CLEC16A: variants seen among roughly 807,000 people sequenced by gnomAD.
CLEC16A encodes protein CLEC16A.
CLEC16A carries 51 observed loss-of-function variants against 109.5 expected under a neutral mutation model. The ratio of observed to expected loss-of-function variants is 0.47; its 90% CI spans 0.37 to 0.59. The LOEUF is 0.59. Ranked by LOEUF, CLEC16A falls within the 20% of genes least tolerant of loss-of-function variation. The probability of loss-of-function intolerance (pLI) is 0.00; values close to 1 mark genes in which losing one functional copy is unlikely to be tolerated. For missense variants in CLEC16A, 1,339 were observed against 1,394.0 expected (o/e 0.96, Z 0.63); for synonymous variants, 673 against 564.2 (o/e 1.19, Z -2.73).
At chr16:10,956,474 G>A (rs989398979) in intron 1 of CLEC16A, among the ~76,000 whole-genome samples, 8 of 152,144 alleles carry the variant, frequency 5.3e-5, no homozygotes, top group Non-Finnish European at 1.2e-4. Context: ...AATCAGGAGA[G>A]GAGGGCCCTT....
At chr16:11,098,522 G>A (rs12708717) in intron 19 of CLEC16A, among the ~76,000 whole-genome samples, 2 of 152,014 alleles carry the variant, frequency 1.3e-5, no homozygotes, top group South Asian at 4.1e-4. Context: ...GCGTGAGGGC[G>A]TTAGTGTGGC....
rs372722698 is a variant in CLEC16A at position 11,051,585 on chromosome 16, A to T, written c.1939A>T (p.Thr647Ser). ...ILLPPTGTPL[T>S]GIDFVKRLPC... Reference sequence around the variant, plus strand: ...GCTGCCCCCAACAGGCACGCCACTGACGGGCATTGACTTCGTGAAGCGGCT... The same window carrying T: ...GCTGCCCCCAACAGGCACGCCACTGTCGGGCATTGACTTCGTGAAGCGGCT... Residue 647 changes from threonine to serine, a missense_variant, in exon 18 of 24, where the codon ACG (threonine) becomes TCG (serine). By Grantham distance (58) the Thr-to-Ser change is moderately conservative. Coordinates refer to ENST00000409790, the MANE Select transcript of CLEC16A (RefSeq NM_015226.3). 10 of 1,613,908 alleles carry T rather than the reference A, an allele frequency of 6.2e-6. No individual in the cohort carries two copies. The African/African-American group carries it at 1.2e-4, about 19-fold the overall frequency.
At chr16:11,059,286 C>T (rs979303471) in intron 18 of CLEC16A, among the ~76,000 whole-genome samples, 3 of 152,214 alleles carry the variant, frequency 2.0e-5, no homozygotes, top group Admixed American at 2.0e-4. Flanking sequence ...GAAGACTGTA[C>T]TTTTAAAAAC....
At chr16:11,175,630 G>A (rs1017042359) in intron 23 of CLEC16A, among the ~76,000 whole-genome samples, 4 of 152,236 alleles carry the variant, frequency 2.6e-5, no homozygotes, top group African/African-American at 9.6e-5. Context: ...TGTCATAGGT[G>A]ATGGGTAAGA....
chr16:11,009,321 A>T (rs1051721621), intron 11 of CLEC16A, among the ~76,000 whole-genome samples: 5 of 152,060 alleles, frequency 3.3e-5, no homozygotes, highest in Admixed American at 6.6e-5. Context: ...GCTGGACTAC[A>T]TTTCTTTATC....
chr16:11,079,392 T>C (rs950810165), intron 19 of CLEC16A, among the ~76,000 whole-genome samples: 3 of 152,210 alleles, frequency 2.0e-5, no homozygotes, highest in African/African-American at 7.2e-5. Flanking sequence ...CTCACAACTT[T>C]TTAGTCATTT....
intron 22 of CLEC16A, among the ~76,000 whole-genome samples, chr16:11,148,797 C>T (rs183137263): frequency 8.5e-5 from 13 of 152,302 alleles, no homozygotes; most frequent in Admixed American, 2.6e-4. Context: ...ACCCTTTCTC[C>T]GAGCACAGCG....
At chr16:11,171,363 A>T (rs550053605) in intron 23 of CLEC16A, among the ~76,000 whole-genome samples, 100 of 152,312 alleles carry the variant, frequency 6.6e-4, no homozygotes, top group African/African-American at 2.2e-3. Context: ...TGCTGGCCCC[A>T]GACCAAAGGG....
intron 19 of CLEC16A, among the ~76,000 whole-genome samples, chr16:11,099,129 G>A (rs1011012357): frequency 1.3e-5 from 2 of 152,054 alleles, no homozygotes; most frequent in South Asian, 2.1e-4. Flanking sequence ...TGGCCAGAGC[G>A]CCCCATTCCT....
chr16:11,019,916 TA>T (rs1233274460), intron 11 of CLEC16A, among the ~76,000 whole-genome samples: 4 of 152,236 alleles, frequency 2.6e-5, no homozygotes, highest in Non-Finnish European at 5.9e-5. Flanking sequence ...AAGACGATTT[TA>T]AACTCTCGAA....
chr16:11,137,485 G>T (rs958044044), intron 22 of CLEC16A, among the ~76,000 whole-genome samples: 1 of 151,644 alleles, frequency 6.6e-6, no homozygotes, highest in Non-Finnish European at 1.5e-5. Flanking sequence ...GCTGGGCGTG[G>T]TGGCTCACAC....
chr16:11,059,906 G>T (rs1323344257), intron 18 of CLEC16A, among the ~76,000 whole-genome samples: 1 of 152,198 alleles, frequency 6.6e-6, no homozygotes, highest in Non-Finnish European at 1.5e-5. Flanking sequence ...GTCTGACTCT[G>T]GAGCTGTCCC....
intron 11 of CLEC16A, among the ~76,000 whole-genome samples, chr16:11,016,347 T>A (rs1249684188): frequency 1.8e-5 from 2 of 109,456 alleles, no homozygotes; most frequent in Admixed American, 1.7e-4. Flanking sequence ...TTTTTTTCTT[T>A]TTTTTTCTTT....
At chr16:11,171,165 A>G (rs2068495256) in intron 23 of CLEC16A, among the ~76,000 whole-genome samples, 1 of 152,208 alleles carries the variant, frequency 6.6e-6, no homozygotes, top group African/African-American at 2.4e-5. Context: ...GCCGCGGCCT[A>G]TAGCCCAGCG....
intron 7 of CLEC16A, among the ~76,000 whole-genome samples, chr16:10,974,762 G>A (rs1393468005): frequency 1.3e-5 from 2 of 152,166 alleles, no homozygotes; most frequent in African/African-American, 2.4e-5. Flanking sequence ...TCATGGATGC[G>A]AGACATAATG....
chr16:11,148,344 G>A (rs967734671), intron 22 of CLEC16A, among the ~76,000 whole-genome samples: 9 of 152,202 alleles, frequency 5.9e-5, no homozygotes, highest in Non-Finnish European at 1.3e-4. Context: ...GTTAGGGCTA[G>A]TTGTGGCCTT....
At chr16:11,052,811 C>G (rs574055423) in intron 18 of CLEC16A, among the ~76,000 whole-genome samples, 1 of 152,324 alleles carries the variant, frequency 6.6e-6, no homozygotes, top group Admixed American at 6.5e-5. Context: ...TGGGAGATCC[C>G]CCCGCACCCC....
chr16:11,050,683 G>A (rs1041960179), intron 17 of CLEC16A, among the ~76,000 whole-genome samples: 17 of 152,204 alleles, frequency 1.1e-4, no homozygotes, highest in African/African-American at 4.1e-4. Context: ...GTGGAAAGAG[G>A]CCGTCAGCTC....
At chr16:11,111,553 A>G (rs1025552097) in intron 19 of CLEC16A, among the ~76,000 whole-genome samples, 34 of 152,254 alleles carry the variant, frequency 2.2e-4, no homozygotes, top group Admixed American at 1.0e-3. Context: ...AGTCAAAGTC[A>G]CACTATGAGA....
Sources: gnomAD v4.1 joint callset for allele counts (sites outside exome capture counted in the v4.1 genomes callset) on GRCh38, gnomAD v4.1.1 for gene constraint, MANE v1.5 for transcripts, NCBI Gene and HGNC (gene_info 2026-07-23, HGNC 2026-07-21) for gene names.